BMPER: variants seen among roughly 807,000 people sequenced by gnomAD.
BMPER encodes BMP-binding endothelial regulator protein.
Under a neutral mutation model 87.3 loss-of-function variants are expected in BMPER, and 45 were observed. The ratio of observed to expected loss-of-function variants is 0.52; its 90% CI spans 0.41 to 0.66. BMPER has a LOEUF of 0.66. Among genes scored for constraint, BMPER ranks in the 30% least tolerant of loss-of-function variants. BMPER has a pLI of 0.00. For missense variants in BMPER, 784 were observed against 867.5 expected, an observed-to-expected ratio of 0.90 and a Z score of 1.21; for synonymous variants, 326 against 316.2, an observed-to-expected ratio of 1.03 and a Z score of -0.33.
intron 6 of BMPER, among the ~76,000 whole-genome samples, chr7:34,038,412 A>G (rs911869271): frequency 6.6e-6 from 1 of 152,248 alleles, no homozygotes; most frequent in Admixed American, 6.5e-5. Flanking sequence ...TAGAGCCTCC[A>G]GAAGGAATGC....
intron 3 of BMPER, among the ~76,000 whole-genome samples, chr7:33,951,173 G>A (rs904441439): frequency 2.0e-5 from 3 of 151,552 alleles, no homozygotes; most frequent in Non-Finnish European, 2.9e-5. Flanking sequence ...TCAGTCTTCC[G>A]AGTAGCTGGG....
intron 13 of BMPER, among the ~76,000 whole-genome samples, chr7:34,134,210 G>A (rs550764708): frequency 4.6e-5 from 7 of 152,232 alleles, no homozygotes; most frequent in South Asian, 2.1e-4. Context: ...TAAGCATGAC[G>A]GTGATGAATT....
intron 2 of BMPER, among the ~76,000 whole-genome samples, chr7:33,927,217 C>T (rs2128606225): frequency 6.6e-6 from 1 of 152,338 alleles, no homozygotes; most frequent in African/African-American, 2.4e-5. Flanking sequence ...AGCACGTGGG[C>T]TTTCACGGGG....
In BMPER at chr7:34,024,906, GC is replaced by G. The variant is rs1787314825; in HGVS notation, c.577-21397del. ...TGACTTGGATAATTCTGATGCAGGT[GC>G]CCAAAGAAAGAAAGTTTCTCAAATA... On this transcript the variant is annotated intron_variant, in intron 6 of 14. Coordinates refer to ENST00000649409, the MANE Select transcript of BMPER (RefSeq NM_001365308.1). Among the ~76,000 whole-genome samples, 6 of 152,112 alleles carry G rather than the reference GC, an allele frequency of 3.9e-5. No homozygotes were observed. In the South Asian group the frequency reaches 1.2e-3, roughly 32 times the overall value.
intron 2 of BMPER, among the ~76,000 whole-genome samples, chr7:33,907,144 G>C (rs905988287): frequency 6.6e-6 from 1 of 151,994 alleles, no homozygotes; most frequent in Admixed American, 6.6e-5. Flanking sequence ...GTAAATTTCA[G>C]ATAGGCTTTG....
intron 13 of BMPER, among the ~76,000 whole-genome samples, chr7:34,120,209 T>A (rs1583457993): frequency 6.6e-6 from 1 of 152,210 alleles, no homozygotes; most frequent in East Asian, 1.9e-4. Flanking sequence ...TAGACATATT[T>A]AAAACCCTGC....
intron 11 of BMPER, among the ~76,000 whole-genome samples, chr7:34,072,393 A>C (rs957192674): frequency 6.6e-6 from 1 of 152,136 alleles, no homozygotes; most frequent in Admixed American, 6.5e-5. Context: ...TCGAGGTGTC[A>C]GCAGGGCTGT....
At chr7:34,063,257 C>A (rs995691785) in intron 11 of BMPER, among the ~76,000 whole-genome samples, 1 of 152,164 alleles carries the variant, frequency 6.6e-6, no homozygotes, top group Non-Finnish European at 1.5e-5. Flanking sequence ...GCAGCTTTCA[C>A]ATGGGCACAG....
rs200294505 is a variant in BMPER at position 34,078,907 on chromosome 7, G to C, written c.1129G>C (p.Gly377Arg). 136 of 1,614,168 alleles carry C rather than the reference G, an allele frequency of 8.4e-5. No homozygotes were observed. The highest frequency in any genetic ancestry group is 6.5e-4 in the East Asian group (29 of 44,872). ...FGDPHYNTFD[G>R]RTFNFQGTCQ... is the part of the protein sequence containing the mutation. ...AGATCCCCACTACAACACTTTTGAC[G>C]GTCGGACATTTAACTTTCAGGGGAC... Residue 377 changes from glycine (G) to arginine (R), a missense_variant, in exon 12 of 15, where the codon GGT (glycine) becomes CGT (arginine). Gly to Arg is a moderately radical substitution (Grantham distance 125). Transcript: ENST00000649409.
intron 6 of BMPER, among the ~76,000 whole-genome samples, chr7:34,005,604 T>G (rs1282276195): frequency 6.6e-6 from 1 of 151,904 alleles, no homozygotes; most frequent in Non-Finnish European, 1.5e-5. Flanking sequence ...GGGGTCTCAC[T>G]TTATTGCCCA....
chr7:33,995,651 C>A (rs1267696169), intron 6 of BMPER, among the ~76,000 whole-genome samples: 1 of 152,278 alleles, frequency 6.6e-6, no homozygotes, highest in Non-Finnish European at 1.5e-5. Context: ...CAGACAGAGA[C>A]CCCTGCTGTT....
intron 13 of BMPER, among the ~76,000 whole-genome samples, chr7:34,118,842 G>A (rs1790183532): frequency 6.6e-6 from 1 of 152,190 alleles, no homozygotes; most frequent in African/African-American, 2.4e-5. Context: ...TCTCAAACAA[G>A]AGGGAATTCT....
intron 11 of BMPER, among the ~76,000 whole-genome samples, chr7:34,070,128 A>G (rs1359757159): frequency 6.6e-6 from 1 of 152,186 alleles, no homozygotes; most frequent in Non-Finnish European, 1.5e-5. Flanking sequence ...TCCTTAACAT[A>G]TCACTTCTTA....
chr7:34,047,476 A>G (rs1340163171), intron 7 of BMPER, among the ~76,000 whole-genome samples: 2 of 151,886 alleles, frequency 1.3e-5, no homozygotes, highest in African/African-American at 4.8e-5. Flanking sequence ...ACAGTGTTTC[A>G]TCATGTTGGC....
chr7:34,150,222 C>G (rs1791137295), intron 14 of BMPER, among the ~76,000 whole-genome samples: 1 of 152,172 alleles, frequency 6.6e-6, no homozygotes, highest in South Asian at 2.1e-4. Flanking sequence ...AAATAGTTTT[C>G]TTCTCAGTTG....
At chr7:34,003,684 G>A (rs1786650308) in intron 6 of BMPER, among the ~76,000 whole-genome samples, 1 of 152,046 alleles carries the variant, frequency 6.6e-6, no homozygotes, top group Non-Finnish European at 1.5e-5. Flanking sequence ...TGCAACAACA[G>A]TTTTGTTGCA....
At chr7:34,137,118 A>G (rs889371082) in intron 13 of BMPER, among the ~76,000 whole-genome samples, 1 of 152,214 alleles carries the variant, frequency 6.6e-6, no homozygotes, top group Non-Finnish European at 1.5e-5. Flanking sequence ...TTCTTATATC[A>G]AATATGTGCT....
intron 6 of BMPER, among the ~76,000 whole-genome samples, chr7:34,033,510 G>C (rs993847110): frequency 6.6e-6 from 1 of 152,146 alleles, no homozygotes; most frequent in Admixed American, 6.5e-5. Flanking sequence ...TCAGCCTTCA[G>C]TATGTAAGCT....
intron 13 of BMPER, among the ~76,000 whole-genome samples, chr7:34,113,852 A>G (rs550896502): frequency 1.3e-5 from 2 of 152,178 alleles, no homozygotes; most frequent in South Asian, 2.1e-4. Context: ...TTTTATTTGT[A>G]AGTTCCTTCT....
Sources: allele counts gnomAD v4.1 joint callset (sites outside exome capture counted in the v4.1 genomes callset), GRCh38; gene constraint gnomAD v4.1.1; transcripts MANE v1.5; gene names NCBI Gene and HGNC (gene_info 2026-07-23, HGNC 2026-07-21).